DENND4C: variants seen among roughly 807,000 people sequenced by gnomAD.
DENND4C encodes DENN domain-containing protein 4C.
DENND4C carries 108 observed loss-of-function variants against 203.0 expected under a neutral mutation model. The ratio of observed to expected loss-of-function variants is 0.53; its 90% CI spans 0.46 to 0.62. The LOEUF (loss-of-function observed/expected upper bound fraction) is 0.62. DENND4C is among the 20% of genes least tolerant of loss of function. The pLI is 0.00. For missense variants in DENND4C, 2,481 were observed against 2,301.2 expected (o/e 1.08, Z -1.60); for synonymous variants, 871 against 792.4 (o/e 1.10, Z -1.67).
chr9:19,276,291 T>C lies in DENND4C; in HGVS notation c.117T>C (p.Pro39=). 3 of 1,232,120 alleles carry C rather than the reference T, an allele frequency of 2.4e-6. No homozygotes were observed. The highest frequency in any genetic ancestry group is 3.0e-6 in the Non-Finnish European group (3 of 987,936). 76.3% of individuals were successfully genotyped at this position (1,232,120 alleles called of 1,614,324 possible). A position where few individuals can be genotyped will look rare whatever the true frequency, so the allele number is the denominator to read the frequency against. The stretch of plus-strand genomic sequence containing the variant: ...GTTTAGATACTAAGTCAACTGGACC[T>C]AAAGCTCCAATTACAGACATTGCCA... ...INRLDTKSTG[P]KAPITDIAII... The change falls in exon 2 of 33, where the codon CCT becomes CCC. Residue 39 remains proline, a synonymous_variant. Transcript: ENST00000434457.
intron 31 of DENND4C, chr9:19,371,284 C>T (rs2132364390): frequency 6.5e-6 from 1 of 153,454 alleles, no homozygotes; most frequent in East Asian, 1.9e-4. Flanking sequence ...GTAAAGAGAC[C>T]ACACCACCTT....
intron 1 of DENND4C, among the ~76,000 whole-genome samples, chr9:19,238,929 A>G (rs1314186114): frequency 6.6e-6 from 1 of 151,508 alleles, no homozygotes; most frequent in Non-Finnish European, 1.5e-5. Flanking sequence ...CTGGGATTGC[A>G]GGCAGGAGCC....
Position 19,346,867 on chromosome 9 carries a change from A to G in DENND4C, c.4098A>G (p.Arg1366=), listed in dbSNP as rs1563828051. The part of the protein sequence containing the change: ...TGRFKQQTPS[R]THKERSTSLS... ...GTTTCAAGCAGCAAACCCCCTCTCG[A>G]ACTCATAAAGAACGTTCAACTTCTT... The change falls in exon 23 of 33, where the codon CGA becomes CGG. Residue 1366 remains arginine (R), a synonymous_variant. Transcript: ENST00000434457. 6.2e-7 allele frequency: 1 copy of G among 1,614,232 alleles called. No individual in the cohort carries two copies.
intron 1 of DENND4C, among the ~76,000 whole-genome samples, chr9:19,265,225 C>T (rs1216393077): frequency 6.6e-6 from 1 of 151,868 alleles, no homozygotes; most frequent in East Asian, 1.9e-4. Flanking sequence ...CCATGTTGTC[C>T]AGGCTGGTCT....
intron 8 of DENND4C, 97 bp from the exon 9 acceptor site, chr9:19,300,090 A>G (rs1838247777): frequency 6.5e-6 from 8 of 1,228,886 alleles, no homozygotes; most frequent in Non-Finnish European, 8.7e-6. Flanking sequence ...AGAAATTAAC[A>G]CTAGACTCTC....
chr9:19,298,182 G>C (rs879688852), intron 7 of DENND4C, 60 bp downstream of exon 7: 20 of 1,458,954 alleles, frequency 1.4e-5, no homozygotes, highest in Non-Finnish European at 1.8e-5. Context: ...AGTCATTGCA[G>C]AGTGGATTCT....
At chr9:19,258,370 C>G (rs1325007391) in intron 1 of DENND4C, among the ~76,000 whole-genome samples, 1 of 152,152 alleles carries the variant, frequency 6.6e-6, no homozygotes, top group Non-Finnish European at 1.5e-5. Context: ...TTAGCATTAT[C>G]TTGATACCAG....
Position 19,290,892 on chromosome 9 carries a change from A to T in DENND4C, c.801+16A>T, listed in dbSNP as rs143701998. ...AGCCAAAAAGGTATGTTTTTGTCTCATTGATTAAACACATTTTGTCCATGT... is the reference window on the plus strand; with the variant it reads ...AGCCAAAAAGGTATGTTTTTGTCTCTTTGATTAAACACATTTTGTCCATGT... On this transcript the variant is annotated intron_variant, in intron 5 of 32. Transcript: ENST00000434457. The T allele has an allele frequency of 1.2e-6, 2 of 1,604,842 alleles. No individual in the cohort carries two copies. The highest frequency in any genetic ancestry group is 8.5e-7 in the Non-Finnish European group (1 of 1,175,168).
At chr9:19,252,886 C>T (rs1000409831) in intron 1 of DENND4C, among the ~76,000 whole-genome samples, 4 of 152,156 alleles carry the variant, frequency 2.6e-5, no homozygotes, top group African/African-American at 9.7e-5. Flanking sequence ...CAGGCACGAG[C>T]CGCCACACCT....
At chr9:19,319,379 T>TACATATATATACATATATATACACAC (rs1842454952) in intron 12 of DENND4C, among the ~76,000 whole-genome samples, 1 of 105,834 alleles carries the variant, frequency 9.4e-6, no homozygotes, top group Non-Finnish European at 1.9e-5. Flanking sequence ...TATATACACA[T>TACATATATATACATATATATACACAC]ACATATATAT....
Position 19,337,532 on chromosome 9 carries a change from C to T in DENND4C, c.2881+700C>T, listed in dbSNP as rs1422874735. On this transcript the variant is annotated intron_variant, in intron 20 of 32. Transcript: ENST00000434457. Reference sequence around the variant, plus strand: ...GTTTCCTTTTCTCTGCTCTTTGTTGCTTTGCTTTTTGCTCTGTGCTGTTTC... The same window carrying T: ...GTTTCCTTTTCTCTGCTCTTTGTTGTTTTGCTTTTTGCTCTGTGCTGTTTC... 4 of 899,590 alleles carry T rather than the reference C, an allele frequency of 4.4e-6. No homozygotes were observed. The African/African-American group carries it at 7.2e-5, about 16-fold the overall frequency. 55.7% of individuals were successfully genotyped at this position (899,590 alleles called of 1,614,324 possible).
rs1247669065 is a variant in DENND4C, at chr9:19,360,256, A to G, written c.5173A>G (p.Lys1725Glu). The G allele has an allele frequency of 6.2e-7, 1 of 1,612,306 alleles. No individual in the cohort carries two copies. Among genetic ancestry groups the G allele is most frequent in the South Asian group, 1.1e-5 (1 of 90,534 alleles). Reference sequence around the variant, plus strand: ...TATTTTTTTTAAGGATCCTTTAGGAAAAAGACCCAATCCTCCCCCTGTTTC... The same window carrying G: ...TATTTTTTTTAAGGATCCTTTAGGAGAAAGACCCAATCCTCCCCCTGTTTC... ...SLQEVVDPLG[K>E]RPNPPPVSVP... The change falls in exon 29 of 33, where the codon AAA becomes GAA. Residue 1725 changes from lysine to glutamate, a missense_variant. Physicochemically the swap from Lys to Glu is moderately conservative, Grantham distance 56 (BLOSUM62 1). Around this residue, in one of 3 missense-constraint regions of DENND4C, gnomAD observed 2,289 missense variants for 2,113.3 expected, o/e 1.08. Transcript: ENST00000434457.
At chr9:19,345,001 G>T (rs772567963) in intron 22 of DENND4C, among the ~76,000 whole-genome samples, 2 of 152,056 alleles carry the variant, frequency 1.3e-5, no homozygotes, top group African/African-American at 2.4e-5. Context: ...CCATTCATCA[G>T]GGTTCCACTT....
chr9:19,295,878 GA>G (rs1837362477), intron 5 of DENND4C, 129 bp from the exon 6 acceptor site: 8 of 668,708 alleles, frequency 1.2e-5, no homozygotes, highest in African/African-American at 7.4e-5. Context: ...ATTTGGGTGA[GA>G]TTTTTTTTTT....
At position 19,275,337 on chromosome 9, in the gene DENND4C, G is replaced by A. The variant is rs537307802; in HGVS notation, c.-17-821G>A. 1.2e-4 allele frequency among the ~76,000 whole-genome samples: 18 copies of A among 145,734 alleles called. No individual in the cohort carries two copies. In the South Asian group the frequency reaches 4.0e-3, roughly 32 times the overall value. ...AGACAGAGTCTCACTCTGTCTTCCA[G>A]GCTGGAGTGCAGTGGCGCAATTTGG... On this transcript the variant is annotated intron_variant, in intron 1 of 32. Transcript: ENST00000434457.
At chr9:19,261,607 ATCT>A (rs1032154948) in intron 1 of DENND4C, among the ~76,000 whole-genome samples, 1 of 151,730 alleles carries the variant, frequency 6.6e-6, no homozygotes, top group Admixed American at 6.6e-5. Flanking sequence ...GGCTCAAGAG[ATCT>A]TCTCGCCTCA....
intron 10 of DENND4C, among the ~76,000 whole-genome samples, chr9:19,310,240 T>C (rs1840479230): frequency 6.6e-6 from 1 of 152,226 alleles, no homozygotes; most frequent in African/African-American, 2.4e-5. Context: ...TTAAAATTTT[T>C]TATCTTAATT....
At position 19,346,718 on chromosome 9, in the gene DENND4C, G is replaced by T; in HGVS notation, c.3949G>T (p.Ala1317Ser). 6.2e-7 allele frequency: 1 copy of T among 1,614,138 alleles called. No individual in the cohort carries two copies. The highest frequency in any genetic ancestry group is 1.3e-5 in the African/African-American group (1 of 75,034). The change falls in exon 23 of 33, where the codon GCA (alanine) becomes TCA (serine). Residue 1317 changes from alanine to serine, a missense_variant. This residue lies in a region of DENND4C where 2,289 missense variants were observed against 2,113.3 expected (regional missense o/e 1.08). Coordinates refer to ENST00000434457, the MANE Select transcript of DENND4C (RefSeq NM_001330640.2). ...AAACAGAGAGTCTGGCATGACTACTGCATTTATTCATGCTCTAGAGAGGAG... is the reference window on the plus strand; with the variant it reads ...AAACAGAGAGTCTGGCATGACTACTTCATTTATTCATGCTCTAGAGAGGAG... ...EENRESGMTT[A>S]FIHALERRSS...
intron 10 of DENND4C, among the ~76,000 whole-genome samples, chr9:19,312,072 T>C (rs1169462671): frequency 6.6e-6 from 1 of 152,090 alleles, no homozygotes; most frequent in Non-Finnish European, 1.5e-5. Context: ...ATGCTTTCTG[T>C]ATTGGGAAAA....
Sources: gnomAD v4.1 joint callset for allele counts (sites outside exome capture counted in the v4.1 genomes callset) on GRCh38, gnomAD v4.1.1 for gene constraint, gnomAD v4.1.1 regional missense constraint, MANE v1.5 for transcripts, NCBI Gene and HGNC (gene_info 2026-07-23, HGNC 2026-07-21) for gene names.